Variants in EDA observed in about 807,000 individuals in gnomAD.
EDA encodes ectodysplasin A, also known as ectodysplasin-A.
In EDA, 2 loss-of-function variants were observed where a neutral mutation model predicts 23.6. That is an observed-to-expected ratio of 0.08 (90% confidence interval 0.03 to 0.27). EDA has a LOEUF of 0.27. Among genes scored for constraint, EDA ranks in the 10% least tolerant of loss-of-function variants. The probability of loss-of-function intolerance (pLI) is 1.00; values close to 1 mark genes in which losing one functional copy is unlikely to be tolerated. For synonymous variants in EDA, 131 were observed against 132.0 expected (o/e 0.99, Z 0.05); for missense variants, 229 against 324.2 (o/e 0.71, Z 2.26).
At chrX:70,026,023 C>T (rs150061749) in intron 3 of EDA, among the ~76,000 whole-genome samples, 115 of 112,035 alleles carry the variant, frequency 1.0e-3, no homozygotes, top group African/African-American at 3.6e-3. Flanking sequence ...TAAGGGAGGA[C>T]CTGATAAATC....
In EDA at chrX:69,695,512, C is replaced by CTTTT. The variant is rs34298428; in HGVS notation, c.396+78822_396+78825dup. ...CTCAGTTTTCCTTCTTTCCTTCTTT[C>CTTTT]TTTTTTTTTTTTTTTTTGACGGAGT... On this transcript the variant is annotated intron_variant, in intron 1 of 7. Transcript: ENST00000374552. Among the ~76,000 whole-genome samples the CTTTT allele has an allele frequency of 3.3e-3, 296 of 88,817 alleles. 6 individuals carry two copies. The highest frequency in any genetic ancestry group is 5.1e-3 in the South Asian group (9 of 1,779). The allele number at this position is 88,817 out of a possible 115,157, so 77.1% of individuals were successfully genotyped here.
chrX:69,664,666 T>TTTTGTG (rs1555979005), intron 1 of EDA, among the ~76,000 whole-genome samples: 1 of 104,054 alleles, frequency 9.6e-6, no homozygotes, highest in Non-Finnish European at 2.0e-5. Context: ...TAATATTTCA[T>TTTTGTG]TGTGTGTGTG....
At chrX:69,940,604 C>T (rs2018744399) in intron 1 of EDA, among the ~76,000 whole-genome samples, 1 of 109,810 alleles carries the variant, frequency 9.1e-6, no homozygotes, top group South Asian at 3.8e-4. Flanking sequence ...TTCTTTTCTT[C>T]TAATTTTGAG....
chrX:69,705,820 A>G (rs1432600105), intron 1 of EDA, among the ~76,000 whole-genome samples: 1 of 112,022 alleles, frequency 8.9e-6, no homozygotes, highest in African/African-American at 3.2e-5. Flanking sequence ...GCATTTCTAA[A>G]GTGATGGTTC....
intron 2 of EDA, among the ~76,000 whole-genome samples, chrX:69,994,174 A>G (rs2019625982): frequency 8.9e-6 from 1 of 111,912 alleles, no homozygotes; most frequent in Admixed American, 9.5e-5. Context: ...GGTATCAGAT[A>G]ACATAAGTTT....
intron 1 of EDA, among the ~76,000 whole-genome samples, chrX:69,831,228 C>T (rs928257582): frequency 9.0e-6 from 1 of 111,479 alleles, no homozygotes; most frequent in South Asian, 3.8e-4. Flanking sequence ...CCTTACCCCA[C>T]AACAGGTGTG....
intron 1 of EDA, among the ~76,000 whole-genome samples, chrX:69,835,910 T>G (rs1490781773): frequency 9.0e-6 from 1 of 111,576 alleles, no homozygotes; most frequent in Non-Finnish European, 1.9e-5. Context: ...GTAGATGACC[T>G]TTTTGTTGAT....
intron 1 of EDA, among the ~76,000 whole-genome samples, chrX:69,788,195 A>G (rs1474606765): frequency 1.8e-5 from 2 of 111,428 alleles, no homozygotes; most frequent in Non-Finnish European, 3.8e-5. Context: ...ACATTCTTCT[A>G]AATTGTTTTC....
chrX:69,803,813 T>TCC (rs1366610203), intron 1 of EDA, among the ~76,000 whole-genome samples: 2 of 109,869 alleles, frequency 1.8e-5, no homozygotes, highest in East Asian at 5.8e-4. Flanking sequence ...ATCCCTCCCT[T>TCC]CCCCCTCCCC....
In EDA at chrX:69,797,382, G is replaced by A. The variant is rs762802347; in HGVS notation, c.397-159645G>A. Reference sequence around the variant, plus strand: ...GCATCTAGTCACCTATAAGGGAGTCGCCATCAGACTAACAGCAGATTTCTC... The same window carrying A: ...GCATCTAGTCACCTATAAGGGAGTCACCATCAGACTAACAGCAGATTTCTC... On this transcript the variant is annotated intron_variant, in intron 1 of 7. Coordinates refer to ENST00000374552, the MANE Select transcript of EDA (RefSeq NM_001399.5). 7.2e-5 allele frequency among the ~76,000 whole-genome samples: 8 copies of A among 111,339 alleles called. No individual in the cohort carries two copies. In the East Asian group the frequency reaches 8.4e-4, roughly 12 times the overall value.
intron 1 of EDA, among the ~76,000 whole-genome samples, chrX:69,716,769 A>G (rs1287462692): frequency 9.0e-6 from 1 of 110,882 alleles, no homozygotes; most frequent in African/African-American, 3.3e-5. Flanking sequence ...TGTAATTCTC[A>G]TTGATCTTTC....
chrX:69,910,374 AGTGT>A (rs4007733), intron 1 of EDA, among the ~76,000 whole-genome samples: 1,013 of 41,602 alleles, frequency 0.024, 14 homozygotes, highest in Non-Finnish European at 0.029. Flanking sequence ...AGAGAGAGAG[AGTGT>A]GTGTGTGTGT....
In EDA at chrX:70,030,458, C is replaced by T. The variant is rs2296765; in HGVS notation, c.742-11C>T. The stretch of plus-strand genomic sequence containing the variant: ...CATAGTGACTACTCTCTATCCTTCT[C>T]ATCCTGCCAGCCAGCTGTGGTGCAT... On this transcript the variant is annotated splice_polypyrimidine_tract_variant and intron_variant, in intron 5 of 7. Coordinates refer to ENST00000374552, the MANE Select transcript of EDA (RefSeq NM_001399.5). 408,976 of 1,197,800 alleles carry T rather than the reference C, an allele frequency of 0.34. 50,071 individuals are homozygous for T. Among genetic ancestry groups the T allele is most frequent in the Middle Eastern group, 0.37 (1,615 of 4,318 alleles).
chrX:69,677,542 C>G (rs1298243431), intron 1 of EDA, among the ~76,000 whole-genome samples: 7 of 111,567 alleles, frequency 6.3e-5, no homozygotes, highest in Non-Finnish European at 1.1e-4. Flanking sequence ...GAGATGGTAT[C>G]TCGTTGTGGT....
Position 70,027,888 on chromosome X carries a change from CCCTCCAGGACCCCCAGGA to C in EDA, c.572_589del (p.Pro191_Pro196del), listed in dbSNP as rs397516668. The C allele has an allele frequency of 1.9e-6, 2 of 1,027,375 alleles. No homozygotes were observed. Among genetic ancestry groups the C allele is most frequent in the South Asian group, 2.0e-5 (1 of 50,083 alleles). The allele number at this position is 1,027,375 out of a possible 1,213,427, so 84.7% of individuals were successfully genotyped here. A position where few individuals can be genotyped will look rare whatever the true frequency, so the allele number is the denominator to read the frequency against. ...AAGCAGGACCTCCTGGACCCAATGG[CCCTCCAGGACCCCCAGGA>C]CCTCCAGGACCCCAGGGACCCCCAG... is the stretch of plus-strand genomic sequence containing the variant. On this transcript the variant is annotated inframe_deletion, in exon 4 of 8. Coordinates refer to ENST00000374552, the MANE Select transcript of EDA (RefSeq NM_001399.5).
intron 1 of EDA, among the ~76,000 whole-genome samples, chrX:69,794,077 C>A (rs2015485016): frequency 9.0e-6 from 1 of 111,192 alleles, no homozygotes; most frequent in South Asian, 3.8e-4. Flanking sequence ...GAGTTGAAAT[C>A]TGAAGGGTGA....
intron 1 of EDA, among the ~76,000 whole-genome samples, 164 bp from the exon 2 acceptor site, chrX:69,956,863 G>A (rs1338666388): frequency 8.9e-6 from 1 of 111,941 alleles, no homozygotes; most frequent in Non-Finnish European, 1.9e-5. Context: ...AATAATAATG[G>A]TATCAAAAAT....
intron 4 of EDA, 143 bp downstream of exon 4, chrX:70,028,179 A>C: frequency 5.7e-6 from 6 of 1,044,264 alleles, no homozygotes; most frequent in Non-Finnish European, 7.6e-6. Flanking sequence ...GCCCAGTGTA[A>C]AACTAGGAAT....
intron 1 of EDA, among the ~76,000 whole-genome samples, chrX:69,946,003 G>A (rs956221857): frequency 8.9e-6 from 1 of 112,144 alleles, no homozygotes; most frequent in Non-Finnish European, 1.9e-5. Context: ...TGCCAAGCTA[G>A]CAGAGAACAG....
Sources: gnomAD v4.1 joint callset for allele counts (sites outside exome capture counted in the v4.1 genomes callset) on GRCh38, gnomAD v4.1.1 for gene constraint, MANE v1.5 for transcripts, NCBI Gene and HGNC (gene_info 2026-07-23, HGNC 2026-07-21) for gene names.